The following B3GALT1 variants were observed in gnomAD, a reference collection of about 807,000 sequenced individuals.
The protein encoded by B3GALT1 is UDP-Gal:betaGlcNAc beta 1,3-galactosyltransferase, polypeptide 1.
Under a neutral mutation model 23.2 loss-of-function variants are expected in B3GALT1, and 10 were observed. The observed-to-expected ratio is 0.43, with a 90% CI of 0.27 to 0.73. The LOEUF (loss-of-function observed/expected upper bound fraction) is 0.73, where lower values mean the gene tolerates loss of function less well. Ranked by LOEUF, B3GALT1 falls within the 30% of genes least tolerant of loss-of-function variation. B3GALT1 has a pLI of 0.21. For synonymous variants in B3GALT1, 156 were observed against 141.5 expected, an observed-to-expected ratio of 1.10 and a Z score of -0.73; for missense variants, 299 against 405.4, an observed-to-expected ratio of 0.74 and a Z score of 2.25.
chr2:167,308,441 T>A (rs570948697), intron 1 of B3GALT1, among the ~76,000 whole-genome samples: 1 of 152,072 alleles, frequency 6.6e-6, no homozygotes, highest in Non-Finnish European at 1.5e-5. Context: ...ATTATTCATA[T>A]CTTCTGTCAT....
chr2:167,523,053 A>C (rs1683125799), intron 2 of B3GALT1, among the ~76,000 whole-genome samples: 1 of 152,216 alleles, frequency 6.6e-6, no homozygotes, highest in East Asian at 1.9e-4. Flanking sequence ...GCCACTGGAC[A>C]CCCATGACTC....
At chr2:167,615,273 G>A (rs1042059887) in intron 2 of B3GALT1, among the ~76,000 whole-genome samples, 1 of 151,986 alleles carries the variant, frequency 6.6e-6, no homozygotes, top group African/African-American at 2.4e-5. Flanking sequence ...AGTAAAACAA[G>A]CCAGACACAG....
intron 3 of B3GALT1, chr2:167,814,845 T>G: frequency 6.6e-6 from 1 of 152,224 alleles, no homozygotes; most frequent in African/African-American, 2.4e-5. Flanking sequence ...TCACTGTGGC[T>G]TTTCTGGCAA....
intron 3 of B3GALT1, among the ~76,000 whole-genome samples, chr2:167,803,911 C>T (rs1371919299): frequency 1.3e-5 from 2 of 152,188 alleles, no homozygotes; most frequent in African/African-American, 4.8e-5. Context: ...GCATATTTCA[C>T]AGGTCCTTTT....
intron 3 of B3GALT1, among the ~76,000 whole-genome samples, 105 bp from the exon 4 acceptor site, chr2:167,818,567 T>TTAAA (rs1318918774): frequency 1.3e-5 from 2 of 152,248 alleles, no homozygotes; most frequent in Non-Finnish European, 2.9e-5. Flanking sequence ...TGTATTGTCC[T>TTAAA]TAAATAGAAA....
chr2:167,792,626 G>GTAAA (rs1320319984), intron 3 of B3GALT1, among the ~76,000 whole-genome samples: 1 of 152,096 alleles, frequency 6.6e-6, no homozygotes, highest in African/African-American at 2.4e-5. Context: ...AGAACACCTT[G>GTAAA]TAAATATCAT....
At chr2:167,315,358 A>AT (rs914238839) in intron 1 of B3GALT1, among the ~76,000 whole-genome samples, 87 of 150,172 alleles carry the variant, frequency 5.8e-4, no homozygotes, top group African/African-American at 1.6e-3. Context: ...GAAAACACTA[A>AT]TTTTTTTTTT....
chr2:167,650,363 T>G (rs1207081366), intron 3 of B3GALT1, among the ~76,000 whole-genome samples: 4 of 150,404 alleles, frequency 2.7e-5, no homozygotes, highest in African/African-American at 9.7e-5. Flanking sequence ...AGAATATATA[T>G]CAGAGAACCA....
intron 2 of B3GALT1, among the ~76,000 whole-genome samples, chr2:167,609,768 A>C (rs1284754442): frequency 6.6e-6 from 1 of 152,144 alleles, no homozygotes; most frequent in African/African-American, 2.4e-5. Flanking sequence ...AGAAAGATCA[A>C]TTCCCCTAAT....
intron 1 of B3GALT1, among the ~76,000 whole-genome samples, chr2:167,321,302 A>G (rs1696807196): frequency 6.6e-6 from 1 of 152,172 alleles, no homozygotes; most frequent in African/African-American, 2.4e-5. Context: ...TTGTTTACAC[A>G]GAAAATAATC....
chr2:167,842,327 T>A (rs922930718), intron 4 of B3GALT1, among the ~76,000 whole-genome samples: 10 of 152,218 alleles, frequency 6.6e-5, no homozygotes, highest in African/African-American at 2.2e-4. Flanking sequence ...CCAGCAATTC[T>A]TTCCCACATC....
intron 1 of B3GALT1, among the ~76,000 whole-genome samples, chr2:167,434,626 C>T (rs974906362): frequency 5.3e-5 from 8 of 151,374 alleles, no homozygotes; most frequent in Non-Finnish European, 1.2e-4. Context: ...ATGTTCACTT[C>T]TGGCTTATTC....
At chr2:167,526,025 T>A (rs1683213664) in intron 2 of B3GALT1, among the ~76,000 whole-genome samples, 1 of 152,116 alleles carries the variant, frequency 6.6e-6, no homozygotes, top group African/African-American at 2.4e-5. Flanking sequence ...CTGGATCATC[T>A]TGTACTTCCT....
intron 1 of B3GALT1, among the ~76,000 whole-genome samples, chr2:167,451,970 G>C (rs953083697): frequency 9.2e-5 from 14 of 152,098 alleles, no homozygotes; most frequent in Non-Finnish European, 1.2e-4. Flanking sequence ...AAGTGGAGGA[G>C]AGCTAGCAGT....
intron 2 of B3GALT1, among the ~76,000 whole-genome samples, chr2:167,611,551 C>T (rs1052564536): frequency 2.0e-5 from 3 of 151,944 alleles, no homozygotes; most frequent in Non-Finnish European, 4.4e-5. Flanking sequence ...TGGCTGATTT[C>T]TATAGAAATA....
chr2:167,404,465 G>A lies in B3GALT1; in HGVS notation c.-510-85712G>A, dbSNP rs1038497082. 4.6e-5 allele frequency among the ~76,000 whole-genome samples: 7 copies of A among 152,248 alleles called. No homozygotes were observed. The South Asian group carries it at 8.3e-4, about 18-fold the overall frequency. On this transcript the variant is annotated intron_variant, in intron 1 of 4. Coordinates refer to ENST00000392690, the MANE Select transcript of B3GALT1 (RefSeq NM_020981.4). ...TTGTACTAAGCTGGAGAAAATTTCAGTTAATTAACAGGTTGTAGTGTTTTG... is the reference window on the plus strand; with the variant it reads ...TTGTACTAAGCTGGAGAAAATTTCAATTAATTAACAGGTTGTAGTGTTTTG...
At chr2:167,615,894 C>T (rs560606380) in intron 2 of B3GALT1, among the ~76,000 whole-genome samples, 4 of 152,038 alleles carry the variant, frequency 2.6e-5, no homozygotes, top group African/African-American at 9.6e-5. Context: ...TTTAGTTGCC[C>T]AAAGTTAGAC....
chr2:167,844,364 C>T (rs185095405), intron 4 of B3GALT1, among the ~76,000 whole-genome samples: 5 of 152,252 alleles, frequency 3.3e-5, no homozygotes, highest in Admixed American at 3.3e-4. Flanking sequence ...GACCCACAGA[C>T]CCTCTGAAGG....
intron 3 of B3GALT1, among the ~76,000 whole-genome samples, chr2:167,805,000 C>G (rs1384699916): frequency 6.6e-6 from 1 of 152,192 alleles, no homozygotes; most frequent in African/African-American, 2.4e-5. Context: ...TGTTTCCTGA[C>G]TTTTTAATGA....
Sources: allele counts gnomAD v4.1 joint callset (sites outside exome capture counted in the v4.1 genomes callset), GRCh38; gene constraint gnomAD v4.1.1; transcripts MANE v1.5; gene names NCBI Gene and HGNC (gene_info 2026-07-23, HGNC 2026-07-21).